KDM1A: variants seen among roughly 807,000 people sequenced by gnomAD.
KDM1A encodes the protein lysine-specific histone demethylase 1A.
In KDM1A, 49 loss-of-function variants were observed where a neutral mutation model predicts 109.4. That is an observed-to-expected ratio of 0.45 (90% CI 0.36 to 0.57). The LOEUF (loss-of-function observed/expected upper bound fraction) is 0.57, where lower values mean the gene tolerates loss of function less well. Among genes scored for constraint, KDM1A ranks in the 20% least tolerant of loss-of-function variants. KDM1A has a pLI of 0.00. For missense variants in KDM1A, 668 were observed against 1,116.6 expected (o/e 0.60, Z 5.73); for synonymous variants, 380 against 415.4 (o/e 0.91, Z 1.04).
In KDM1A at chr1:23,073,331, T is replaced by C. The variant is rs75011666; in HGVS notation, c.1662T>C (p.Asp554=). The C allele has an allele frequency of 2.4e-3, 3,848 of 1,611,494 alleles. 100 individuals carry two copies. In the East Asian group the frequency reaches 0.053, roughly 22 times the overall value. Residue 554 remains aspartate (D), a synonymous_variant, in exon 15 of 21, where the codon GAT becomes GAC. Transcript: ENST00000400181. ...YLSSRDRQIL[D]WHFANLEFAN... The stretch of plus-strand genomic sequence containing the variant: ...CATCAAGAGACAGACAAATACTTGA[T>C]TGGCATTTTGCAAATCTTGAATTTG...
intron 19 of KDM1A, chr1:23,081,801 TTA>T (rs1434885546): frequency 5.8e-6 from 3 of 517,408 alleles, no homozygotes; most frequent in African/African-American, 5.7e-5. Flanking sequence ...TCCTCCGGCT[TTA>T]GAGTCACACC....
chr1:23,041,372 T>A (rs1345968346), intron 2 of KDM1A, among the ~76,000 whole-genome samples: 3 of 151,292 alleles, frequency 2.0e-5, no homozygotes, highest in Non-Finnish European at 4.4e-5. Context: ...TCTTATGTGG[T>A]ACCTTCTGCT....
intron 1 of KDM1A, among the ~76,000 whole-genome samples, chr1:23,021,434 G>T (rs1569602101): frequency 6.6e-6 from 1 of 152,204 alleles, no homozygotes; most frequent in Non-Finnish European, 1.5e-5. Flanking sequence ...GGCCAAGGCG[G>T]GTGGATCACC....
At chr1:23,034,728 C>G (rs946593753) in intron 2 of KDM1A, among the ~76,000 whole-genome samples, 1 of 152,008 alleles carries the variant, frequency 6.6e-6, no homozygotes, top group African/African-American at 2.4e-5. Flanking sequence ...TAACTTTTCA[C>G]TAGAGAACTC....
At chr1:23,070,475 A>G (rs567612789) in intron 12 of KDM1A, among the ~76,000 whole-genome samples, 82 of 144,602 alleles carry the variant, frequency 5.7e-4, no homozygotes, top group Admixed American at 1.9e-3. Flanking sequence ...TGTCTCTTAG[A>G]AAAAAAAAAA....
chr1:23,058,145 G>C (rs1008374809), intron 8 of KDM1A, among the ~76,000 whole-genome samples: 1 of 152,094 alleles, frequency 6.6e-6, no homozygotes, highest in South Asian at 2.1e-4. Flanking sequence ...TCTCACCTCA[G>C]CCTCCCTAAT....
intron 2 of KDM1A, among the ~76,000 whole-genome samples, chr1:23,031,172 A>G (rs1641970446): frequency 6.6e-6 from 1 of 152,202 alleles, no homozygotes; most frequent in African/African-American, 2.4e-5. Context: ...GGGAGTCTAT[A>G]GTTTTGGTTT....
intron 2 of KDM1A, chr1:23,044,166 G>T: frequency 2.7e-6 from 1 of 369,558 alleles, no homozygotes. Flanking sequence ...TGACAGCAAG[G>T]ATTTAGTGAT....
chr1:23,040,376 C>T (rs1642271642), intron 2 of KDM1A, among the ~76,000 whole-genome samples: 1 of 152,190 alleles, frequency 6.6e-6, no homozygotes, highest in Admixed American at 6.5e-5. Flanking sequence ...TACAACACTT[C>T]ACGCTTCAAG....
At chr1:23,065,891 A>G (rs898179555) in intron 9 of KDM1A, among the ~76,000 whole-genome samples, 169 bp from the exon 10 acceptor site, 1 of 151,254 alleles carries the variant, frequency 6.6e-6, no homozygotes, top group Non-Finnish European at 1.5e-5. Flanking sequence ...TCTCTGTACA[A>G]TCTGTTCCTT....
intron 2 of KDM1A, among the ~76,000 whole-genome samples, chr1:23,037,415 AG>A (rs1391252851): frequency 6.6e-6 from 1 of 152,102 alleles, no homozygotes; most frequent in East Asian, 1.9e-4. Flanking sequence ...AGAACTCAGA[AG>A]TTTTTATTTT....
At chr1:23,043,224 A>AT (rs1557530833) in intron 2 of KDM1A, among the ~76,000 whole-genome samples, 1 of 152,160 alleles carries the variant, frequency 6.6e-6, no homozygotes, top group East Asian at 1.9e-4. Flanking sequence ...AGGGCTGTAA[A>AT]TAGGTATACC....
chr1:23,024,424 GA>G (rs1641734651), intron 1 of KDM1A, among the ~76,000 whole-genome samples: 1 of 152,018 alleles, frequency 6.6e-6, no homozygotes, highest in Non-Finnish European at 1.5e-5. Flanking sequence ...TGTATGCAAG[GA>G]AAAAAGTGCA....
intron 3 of KDM1A, 134 bp downstream of exon 3, chr1:23,044,620 A>G (rs1642449521): frequency 2.9e-6 from 2 of 693,680 alleles, no homozygotes; most frequent in Non-Finnish European, 4.7e-6. Flanking sequence ...ACAGGACATA[A>G]TAGTATAGTA....
chr1:23,053,225 G>T (rs111666934), intron 4 of KDM1A, among the ~76,000 whole-genome samples: 3 of 152,058 alleles, frequency 2.0e-5, no homozygotes, highest in African/African-American at 7.2e-5. Flanking sequence ...TTACTAGGTG[G>T]TTTTCTCTTT....
chr1:23,062,771 C>CG (rs1474506438), intron 9 of KDM1A, among the ~76,000 whole-genome samples: 1 of 152,020 alleles, frequency 6.6e-6, no homozygotes, highest in Non-Finnish European at 1.5e-5. Context: ...CAAAGTCTTC[C>CG]TTAGTAAAGA....
In KDM1A at chr1:23,055,064, TG is replaced by T. The variant is rs1642786992; in HGVS notation, c.791-4del. 4.4e-6 allele frequency: 7 copies of T among 1,573,338 alleles called. No individual in the cohort carries two copies. Among genetic ancestry groups the T allele is most frequent in the Non-Finnish European group, 6.1e-6 (7 of 1,153,912 alleles). On this transcript the variant is annotated splice_polypyrimidine_tract_variant and splice_region_variant and intron_variant, in intron 5 of 20. Transcript: ENST00000400181. The stretch of plus-strand genomic sequence containing the variant: ...AACCGTGTTTTTAATCCACTTATTC[TG>T]TAGGTGATACTGTGCTTGTCCACCG...
intron 2 of KDM1A, among the ~76,000 whole-genome samples, chr1:23,031,264 A>G (rs954087032): frequency 1.4e-4 from 22 of 152,362 alleles, no homozygotes; most frequent in African/African-American, 3.6e-4. Context: ...GGCTGGACCA[A>G]TCAGGGATAT....
chr1:23,036,867 G>A (rs1642160947), intron 2 of KDM1A, among the ~76,000 whole-genome samples: 1 of 152,152 alleles, frequency 6.6e-6, no homozygotes, highest in South Asian at 2.1e-4. Flanking sequence ...CCCAAATGTA[G>A]TAGTTCCTCA....
Sources: allele counts gnomAD v4.1 joint callset (sites outside exome capture counted in the v4.1 genomes callset), GRCh38; gene constraint gnomAD v4.1.1; transcripts MANE v1.5; gene names NCBI Gene and HGNC (gene_info 2026-07-23, HGNC 2026-07-21).